The following MX2 variants were observed in gnomAD, a reference collection of about 807,000 sequenced individuals.
MX2 encodes the protein interferon-induced GTP-binding protein Mx2.
A neutral mutation model predicts 74.0 loss-of-function variants in MX2; 51 were observed. The observed-to-expected ratio is 0.69, with a 90% CI of 0.55 to 0.87. The LOEUF (loss-of-function observed/expected upper bound fraction) is 0.87, where lower values mean the gene tolerates loss of function less well. MX2 is among the 40% of genes least tolerant of loss of function. MX2 has a pLI of 0.00. For synonymous variants in MX2, 369 were observed against 339.3 expected, an observed-to-expected ratio of 1.09 and a Z score of -0.96; for missense variants, 832 against 908.7, an observed-to-expected ratio of 0.92 and a Z score of 1.09.
In MX2 at chr21:41,382,412, CA is replaced by C; in HGVS notation, c.581del (p.Gln194ArgfsTer28). 6.2e-7 allele frequency: 1 copy of C among 1,613,992 alleles called. No homozygotes were observed. The highest frequency in any genetic ancestry group is 1.7e-4 in the Middle Eastern group (1 of 6,060). ...TTCTCCCCTCCTGGCCTCCATAGCCCAGAACGTCATGGCCGGGAATGGCCGG... is the reference window on the plus strand; with the variant it reads ...TTCTCCCCTCCTGGCCTCCATAGCCCGAACGTCATGGCCGGGAATGGCCGG... ...GQVEKEIHKA[Q>X]NVMAGNGRGI... On this transcript the variant is annotated frameshift_variant, in exon 5 of 14. Coordinates refer to ENST00000330714, the MANE Select transcript of MX2 (RefSeq NM_002463.2). LOFTEE classifies it high-confidence loss of function.
Position 41,408,068 on chromosome 21 carries a change from G to A in MX2, c.1983G>A (p.Leu661=). 3 of 1,614,144 alleles carry A rather than the reference G, an allele frequency of 1.9e-6. No individual in the cohort carries two copies. Among genetic ancestry groups the A allele is most frequent in the Non-Finnish European group, 2.5e-6 (3 of 1,180,030 alleles). The change falls in exon 14 of 14, where the codon TTG becomes TTA. Residue 661 remains leucine (L), a synonymous_variant. Coordinates refer to ENST00000330714, the MANE Select transcript of MX2 (RefSeq NM_002463.2). The stretch of plus-strand genomic sequence containing the variant: ...TGCTCCGAGAGAATGGTGACTCCTT[G>A]CAGAAAGCCATGATGCAGATACTAC... ...YFMLRENGDS[L]QKAMMQILQE...
rs2089476528 is a variant in MX2, at chr21:41,380,593, C to T, written c.577+442C>T. ...ACCCCTGGTCCCACCCCAGGTGTCA[C>T]AACCATGGCTTGTCTTCCTGAAGTT... On this transcript the variant is annotated intron_variant, in intron 4 of 13. Coordinates refer to ENST00000330714, the MANE Select transcript of MX2 (RefSeq NM_002463.2). This position sits in a 1 kb window ranked among gnomAD's most constrained non-coding sequence, Gnocchi z 4.3. Among the ~76,000 whole-genome samples the T allele has an allele frequency of 6.6e-6, 1 of 152,220 alleles. No homozygotes were observed. Among genetic ancestry groups the T allele is most frequent in the Non-Finnish European group, 1.5e-5 (1 of 68,048 alleles).
intron 5 of MX2, among the ~76,000 whole-genome samples, chr21:41,385,447 GT>G (rs1032199077): frequency 1.3e-5 from 2 of 152,192 alleles, no homozygotes; most frequent in African/African-American, 4.8e-5. Flanking sequence ...AGATCTAATG[GT>G]TTTATGAAGG....
chr21:41,404,557 G>A (rs1311643548), intron 12 of MX2: 1 of 152,262 alleles, frequency 6.6e-6, no homozygotes, highest in Middle Eastern at 3.2e-3. Flanking sequence ...ATTTAAAAAG[G>A]AAAGAGCGAG....
intron 5 of MX2, among the ~76,000 whole-genome samples, chr21:41,383,927 G>A (rs1016602652): frequency 6.6e-6 from 1 of 152,134 alleles, no homozygotes; most frequent in African/African-American, 2.4e-5. Flanking sequence ...ATATGGTTTG[G>A]TTCTGTGTCC....
chr21:41,397,809 T>C, intron 8 of MX2, 118 bp downstream of exon 8: 1 of 792,126 alleles, frequency 1.3e-6, no homozygotes, highest in South Asian at 1.7e-5. Flanking sequence ...AAGTACCCTC[T>C]GAACACTGTC....
intron 2 of MX2, among the ~76,000 whole-genome samples, 186 bp from the exon 3 acceptor site, chr21:41,377,602 CT>C (rs989482303): frequency 6.6e-6 from 1 of 152,254 alleles, no homozygotes; most frequent in Non-Finnish European, 1.5e-5. Flanking sequence ...GCATCTGCCC[CT>C]GTGAGGCCTC....
At chr21:41,391,059 G>T (rs1469306708) in intron 6 of MX2, among the ~76,000 whole-genome samples, 5 of 151,990 alleles carry the variant, frequency 3.3e-5, no homozygotes, top group Non-Finnish European at 7.4e-5. Flanking sequence ...GGGAAGGGAG[G>T]GAGGGATGCC....
chr21:41,377,201 C>G (rs184588137), intron 2 of MX2, 46 bp downstream of exon 2: 2 of 1,606,218 alleles, frequency 1.2e-6, no homozygotes, highest in Non-Finnish European at 8.5e-7. Context: ...TTCTGGCTGC[C>G]GGTGCAGAGG....
At chr21:41,377,718 G>A in intron 2 of MX2, 71 bp from the exon 3 acceptor site, 1 of 1,493,962 alleles carries the variant, frequency 6.7e-7, no homozygotes, top group Non-Finnish European at 9.1e-7. Flanking sequence ...CACAAACTCT[G>A]CCACACATCT....
chr21:41,371,723 A>C (rs1049146518), intron 1 of MX2, among the ~76,000 whole-genome samples: 1 of 152,118 alleles, frequency 6.6e-6, no homozygotes, highest in African/African-American at 2.4e-5. Context: ...GTTAAGGAGT[A>C]ATCTTCTGCT....
chr21:41,398,875 T>A (rs747835871), intron 8 of MX2, 22 bp from the exon 9 acceptor site: 4 of 1,606,902 alleles, frequency 2.5e-6, no homozygotes, highest in Non-Finnish European at 2.6e-6. Flanking sequence ...GCAGTTTGAT[T>A]GTTTGCAATT....
chr21:41,379,588 C>T (rs1479215964), intron 3 of MX2, among the ~76,000 whole-genome samples: 1 of 152,102 alleles, frequency 6.6e-6, no homozygotes, highest in Non-Finnish European at 1.5e-5. Flanking sequence ...CCCACACTAA[C>T]CAGGGCTGCC....
At chr21:41,373,424 G>A (rs8133827) in intron 1 of MX2, among the ~76,000 whole-genome samples, 27,785 of 152,068 alleles carry the variant, frequency 0.18, 4,003 homozygotes, top group African/African-American at 0.4. Flanking sequence ...GGAGAGCAGG[G>A]GTGGGAGCGG....
At position 41,376,819 on chromosome 21, in the gene MX2, CT is replaced by C. The variant is rs2089409196; in HGVS notation, c.-71-16del. 1.9e-6 allele frequency: 3 copies of C among 1,566,396 alleles called. No homozygotes were observed. The highest frequency in any genetic ancestry group is 1.7e-6 in the Non-Finnish European group (2 of 1,155,856). ...TCTGGTGACCTGTGGGCCGCTCTCC[CT>C]CTTGTGTCTTTGCAGAGCTTGTCAG... On this transcript the variant is annotated splice_polypyrimidine_tract_variant and intron_variant, in intron 1 of 13. Transcript: ENST00000330714.
At chr21:41,384,133 G>A (rs1213473039) in intron 5 of MX2, among the ~76,000 whole-genome samples, 1 of 152,162 alleles carries the variant, frequency 6.6e-6, no homozygotes, top group Non-Finnish European at 1.5e-5. Flanking sequence ...TGAAGAAGGT[G>A]CCTGCACCCC....
intron 1 of MX2, among the ~76,000 whole-genome samples, chr21:41,372,660 T>G (rs2089340241): frequency 6.6e-6 from 1 of 152,244 alleles, no homozygotes; most frequent in African/African-American, 2.4e-5. Context: ...TACTGATCCC[T>G]TACTCATTTT....
At chr21:41,382,376 G>A (rs578048635) in intron 4 of MX2, 34 bp from the exon 5 acceptor site, 2 of 1,603,704 alleles carry the variant, frequency 1.2e-6, no homozygotes, top group East Asian at 4.5e-5. Flanking sequence ...TCATTAATGA[G>A]GGCTCTGGGT....
chr21:41,385,859 A>T (rs1041429457), intron 5 of MX2, among the ~76,000 whole-genome samples: 1 of 152,196 alleles, frequency 6.6e-6, no homozygotes, highest in South Asian at 2.1e-4. Flanking sequence ...ACCATAACAG[A>T]TAGAATAATA....
Sources: allele counts gnomAD v4.1 joint callset (sites outside exome capture counted in the v4.1 genomes callset), GRCh38; gene constraint gnomAD v4.1.1; non-coding constraint Gnocchi (gnomAD v3.1); transcripts MANE v1.5; gene names NCBI Gene and HGNC (gene_info 2026-07-23, HGNC 2026-07-21).